ZNF786: variants seen among roughly 807,000 people sequenced by gnomAD.
ZNF786 encodes zinc finger protein 786.
In ZNF786, 56 loss-of-function variants were observed where a neutral mutation model predicts 63.1. The ratio of observed to expected loss-of-function variants is 0.89; its 90% confidence interval spans 0.72 to 1.11. The LOEUF (loss-of-function observed/expected upper bound fraction) is 1.11. ZNF786 is among the 50% of genes least tolerant of loss of function. The pLI, the probability that ZNF786 is intolerant of heterozygous loss-of-function variation, is 0.00. For synonymous variants in ZNF786, 485 were observed against 406.9 expected (o/e 1.19, Z -2.31); for missense variants, 1,213 against 1,041.8 (o/e 1.16, Z -2.26).
In ZNF786 at chr7:149,071,626, G is replaced by A; in HGVS notation, c.1146C>T (p.Ala382=). 6 of 1,585,674 alleles carry A rather than the reference G, an allele frequency of 3.8e-6. No homozygotes were observed. The highest frequency in any genetic ancestry group is 5.1e-6 in the Non-Finnish European group (6 of 1,169,002). Residue 382 remains alanine, a synonymous_variant, in exon 4 of 4, where the codon GCC becomes GCT. Transcript: ENST00000491431. The part of the protein sequence containing the change: ...SECGERSPMS[A]RLASPCRAHT... Reference sequence around the variant, plus strand: ...GCGCCCTGCAGGGGCTGGCGAGCCTGGCGCTCATAGGGGAGCGCTCGCCAC... The same window carrying A: ...GCGCCCTGCAGGGGCTGGCGAGCCTAGCGCTCATAGGGGAGCGCTCGCCAC...
At chr7:149,076,433 C>T (rs1238546644) in intron 2 of ZNF786, among the ~76,000 whole-genome samples, 1 of 145,964 alleles carries the variant, frequency 6.9e-6, no homozygotes, top group African/African-American at 2.5e-5. Flanking sequence ...TGGTTTTAAA[C>T]TTTACACAGA....
At chr7:149,073,024 C>A (rs1825460100) in intron 3 of ZNF786, among the ~76,000 whole-genome samples, 1 of 152,312 alleles carries the variant, frequency 6.6e-6, no homozygotes. Flanking sequence ...CACAGTTATA[C>A]GTGATCCTTG....
intron 1 of ZNF786, 97 bp downstream of exon 1, chr7:149,090,526 C>G (rs1052200416): frequency 1.5e-6 from 2 of 1,315,602 alleles, no homozygotes; most frequent in African/African-American, 3.0e-5. Flanking sequence ...CCGTGCACCG[C>G]GCGCACTCAC....
chr7:149,083,590 G>A (rs1825686545), intron 1 of ZNF786, among the ~76,000 whole-genome samples: 1 of 152,128 alleles, frequency 6.6e-6, no homozygotes, highest in African/African-American at 2.4e-5. Context: ...TTGCTATACA[G>A]GTAAATTGCA....
At position 149,090,683 on chromosome 7, in the gene ZNF786, C is replaced by T. The variant is rs774507218; in HGVS notation, c.-43G>A. The T allele has an allele frequency of 1.9e-6, 3 of 1,565,464 alleles. No homozygotes were observed. Among genetic ancestry groups the T allele is most frequent in the South Asian group, 1.2e-5 (1 of 85,376 alleles). On this transcript the variant is annotated 5_prime_UTR_variant, in exon 1 of 4. Transcript: ENST00000491431. ...CCGGCCCTGGCAAACCCGACCGTCT[C>T]CGGCGGCTCCGCAGGAACCTGCCCT... is the stretch of plus-strand genomic sequence containing the variant.
chr7:149,079,267 G>C (rs564473618), intron 2 of ZNF786, among the ~76,000 whole-genome samples: 1,920 of 151,992 alleles, frequency 0.013, 16 homozygotes, highest in Non-Finnish European at 0.02. Flanking sequence ...AAATTAGCCG[G>C]GTGCAGTGGT....
chr7:149,071,438 C>G lies in ZNF786; in HGVS notation c.1334G>C (p.Arg445Pro). The G allele has an allele frequency of 1.2e-6, 2 of 1,613,390 alleles. No homozygotes were observed. Among genetic ancestry groups the G allele is most frequent in the Non-Finnish European group, 1.7e-6 (2 of 1,179,868 alleles). The change falls in exon 4 of 4, where the codon CGA (arginine) becomes CCA (proline). Residue 445 changes from arginine to proline, a missense_variant. Physicochemically the swap from Arg to Pro is moderately radical, Grantham distance 103. Coordinates refer to ENST00000491431, the MANE Select transcript of ZNF786 (RefSeq NM_152411.4). ...AKQCKLTEHI[R>P]VHSGEKPFRC... ...GAAAGGCTTCTCTCCGCTGTGGACT[C>G]GAATGTGCTCCGTGAGTTTACACTG...
intron 2 of ZNF786, among the ~76,000 whole-genome samples, chr7:149,080,290 G>C (rs1049060500): frequency 6.6e-6 from 1 of 152,134 alleles, no homozygotes; most frequent in Non-Finnish European, 1.5e-5. Context: ...ATGTGCGCTA[G>C]GTGTGCTCCT....
intron 2 of ZNF786, among the ~76,000 whole-genome samples, chr7:149,080,301 A>G (rs889941368): frequency 1.3e-5 from 2 of 152,156 alleles, no homozygotes; most frequent in Non-Finnish European, 2.9e-5. Context: ...GTGTGCTCCT[A>G]TGTGGACAAT....
intron 1 of ZNF786, among the ~76,000 whole-genome samples, chr7:149,087,877 T>C (rs1825762833): frequency 6.6e-6 from 1 of 151,420 alleles, no homozygotes; most frequent in South Asian, 2.1e-4. Context: ...ATAGCTTTGA[T>C]CTCCTGGGCT....
chr7:149,082,248 C>A (rs909090240), intron 1 of ZNF786, among the ~76,000 whole-genome samples: 1 of 152,026 alleles, frequency 6.6e-6, no homozygotes, highest in African/African-American at 2.4e-5. Flanking sequence ...ATGAGAAGAC[C>A]GTGTGATTGT....
At position 149,072,007 on chromosome 7, in the gene ZNF786, C is replaced by G. The variant is rs1401288385; in HGVS notation, c.765G>C (p.Leu255=). 2 of 1,612,908 alleles carry G rather than the reference C, an allele frequency of 1.2e-6. No individual in the cohort carries two copies. Among genetic ancestry groups the G allele is most frequent in the African/African-American group, 2.7e-5 (2 of 74,938 alleles). Residue 255 remains leucine (L), a synonymous_variant, in exon 4 of 4, where the codon CTG becomes CTC. Coordinates refer to ENST00000491431, the MANE Select transcript of ZNF786 (RefSeq NM_152411.4). ...CCGTGTGGGCCGCCAGATGGCGCAG[C>G]AGACACAGCTTCCGGCGGAAGCTCT... ...CGKSFRRKLC[L]LRHLAAHTGR... is the part of the protein sequence containing the mutation.
intron 1 of ZNF786, among the ~76,000 whole-genome samples, chr7:149,084,748 T>A (rs1825707691): frequency 6.6e-6 from 1 of 152,212 alleles, no homozygotes; most frequent in Non-Finnish European, 1.5e-5. Context: ...GGGTGTCTGT[T>A]TACTCTGCTG....
chr7:149,074,678 G>GA (rs1198297461), intron 2 of ZNF786, 140 bp from the exon 3 acceptor site: 167 of 983,560 alleles, frequency 1.7e-4, no homozygotes, highest in Non-Finnish European at 2.2e-4. Context: ...ACACAAAGAT[G>GA]AAAAAACCGC....
rs759170329 is a variant in ZNF786 at position 149,071,404 on chromosome 7, G to C, written c.1368C>G (p.Ala456=). Residue 456 remains alanine (A), a synonymous_variant, in exon 4 of 4, where the codon GCC becomes GCG. Transcript: ENST00000491431. ...TCTGACGGAAGTTCCTGCCACACTT[G>C]GCACACCGGAAAGGCTTCTCTCCGC... ...VHSGEKPFRC[A]KCGRNFRQRG... 18 of 1,612,814 alleles carry C rather than the reference G, an allele frequency of 1.1e-5. No individual in the cohort carries two copies. The highest frequency in any genetic ancestry group is 1.5e-5 in the Non-Finnish European group (18 of 1,179,656).
chr7:149,075,269 G>A (rs1453234915), intron 2 of ZNF786, among the ~76,000 whole-genome samples: 1 of 152,140 alleles, frequency 6.6e-6, no homozygotes, highest in African/African-American at 2.4e-5. Context: ...TTTAGATAGG[G>A]TCTCACTCTG....
intron 1 of ZNF786, among the ~76,000 whole-genome samples, chr7:149,089,676 G>T (rs1825799088): frequency 6.6e-6 from 1 of 151,856 alleles, no homozygotes; most frequent in Non-Finnish European, 1.5e-5. Context: ...TTTCAGGTCT[G>T]TGATTTGGCT....
Position 149,070,759 on chromosome 7 carries a change from C to A in ZNF786, c.2013G>T (p.Thr671=), listed in dbSNP as rs760432819. The A allele has an allele frequency of 5.6e-6, 9 of 1,613,614 alleles. No individual in the cohort carries two copies. Among genetic ancestry groups the A allele is most frequent in the Non-Finnish European group, 7.6e-6 (9 of 1,179,930 alleles). ...SKLIEHIRTH[T]GEKPFQCPKC... The stretch of plus-strand genomic sequence containing the variant: ...TGGGACACTGAAAAGGCTTCTCTCC[C>A]GTGTGCGTTCTGATGTGCTCGATGA... The change falls in exon 4 of 4, where the codon ACG becomes ACT. Residue 671 remains threonine (T), a synonymous_variant. Coordinates refer to ENST00000491431, the MANE Select transcript of ZNF786 (RefSeq NM_152411.4).
chr7:149,077,625 C>T (rs528846020), intron 2 of ZNF786, among the ~76,000 whole-genome samples: 2 of 151,642 alleles, frequency 1.3e-5, no homozygotes, highest in Non-Finnish European at 1.5e-5. Flanking sequence ...GAGACTCCTT[C>T]TCAAAAATAA....
Sources: allele counts gnomAD v4.1 joint callset (sites outside exome capture counted in the v4.1 genomes callset), GRCh38; gene constraint gnomAD v4.1.1; transcripts MANE v1.5; gene names NCBI Gene and HGNC (gene_info 2026-07-23, HGNC 2026-07-21).